Variants in DIP2C observed in about 807,000 individuals in gnomAD.
DIP2C encodes the protein disco-interacting protein 2 homolog C.
A neutral mutation model predicts 192.4 loss-of-function variants in DIP2C; 33 were observed. The observed-to-expected ratio is 0.17, with a 90% CI of 0.13 to 0.23. The LOEUF is 0.23. Among genes scored for constraint, DIP2C ranks in the 10% least tolerant of loss-of-function variants. DIP2C has a pLI of 1.00. For missense variants in DIP2C, 1,537 were observed against 2,110.1 expected (o/e 0.73, Z 5.32); for synonymous variants, 979 against 864.1 (o/e 1.13, Z -2.33).
chr10:362,626 G>A lies in DIP2C; in HGVS notation c.2658C>T (p.Pro886=), dbSNP rs779411817. 21 of 1,613,992 alleles carry A rather than the reference G, an allele frequency of 1.3e-5. No homozygotes were observed. Among genetic ancestry groups the A allele is most frequent in the South Asian group, 6.6e-5 (6 of 91,070 alleles). ...AATGGATCCCACCAAGCGGGGTTTT[G>A]GGGAGGGTGTTTGCTGGCACCAAGG... ...CLALVPANTL[P]KTPLGGIHLS... The change falls in exon 22 of 37, where the codon CCC becomes CCT. Residue 886 remains proline, a synonymous_variant. Transcript: ENST00000280886.
chr10:514,983 T>A lies in DIP2C; in HGVS notation c.86-28453A>T, dbSNP rs181512888. 3.2e-3 allele frequency among the ~76,000 whole-genome samples: 482 copies of A among 152,298 alleles called. 4 individuals carry two copies. The highest frequency in any genetic ancestry group is 0.011 in the African/African-American group (465 of 41,556). ...CTTCTTTTATACAAGCTAAAAACAA[T>A]TTTTACGTCCACGTTCTCATCAGCT... On this transcript the variant is annotated intron_variant, in intron 1 of 36. Transcript: ENST00000280886.
intron 1 of DIP2C, among the ~76,000 whole-genome samples, chr10:561,333 C>CCACT (rs1269064046): frequency 2.0e-5 from 3 of 152,134 alleles, no homozygotes; most frequent in Non-Finnish European, 4.4e-5. Context: ...CAGCAATTGC[C>CCACT]CACTGTACGA....
intron 1 of DIP2C, among the ~76,000 whole-genome samples, chr10:492,028 C>T (rs901684268): frequency 6.6e-5 from 10 of 152,178 alleles, no homozygotes; most frequent in Non-Finnish European, 1.2e-4. Context: ...AATCCCGACC[C>T]CAGAAAACAG....
chr10:325,334 A>G (rs1957228088), intron 31 of DIP2C, among the ~76,000 whole-genome samples: 1 of 152,162 alleles, frequency 6.6e-6, no homozygotes, highest in African/African-American at 2.4e-5. Context: ...AGTAAAGAGG[A>G]AAATAAATGT....
chr10:432,405 T>A (rs1185545351), intron 4 of DIP2C, among the ~76,000 whole-genome samples: 2 of 152,168 alleles, frequency 1.3e-5, no homozygotes, highest in African/African-American at 2.4e-5. Flanking sequence ...CCTGTTCAAA[T>A]TTTGGCAGAT....
intron 29 of DIP2C, among the ~76,000 whole-genome samples, chr10:330,003 T>C (rs1957434071): frequency 6.6e-6 from 1 of 152,196 alleles, no homozygotes; most frequent in South Asian, 2.1e-4. Flanking sequence ...AGACACTTCC[T>C]GTTTTTGTAA....
intron 1 of DIP2C, among the ~76,000 whole-genome samples, chr10:546,172 C>T (rs1218845697): frequency 6.6e-6 from 1 of 151,378 alleles, no homozygotes; most frequent in Non-Finnish European, 1.5e-5. Flanking sequence ...GTCCCAGCTA[C>T]CTGGGAGGCT....
chr10:535,587 AAC>A (rs959356013), intron 1 of DIP2C, among the ~76,000 whole-genome samples: 58 of 152,160 alleles, frequency 3.8e-4, no homozygotes, highest in African/African-American at 1.2e-3. Flanking sequence ...GACACAGCGA[AAC>A]ACACGAGATT....
At chr10:515,725 A>AAAAAAT (rs1180129794) in intron 1 of DIP2C, among the ~76,000 whole-genome samples, 12 of 152,108 alleles carry the variant, frequency 7.9e-5, no homozygotes, top group African/African-American at 2.2e-4. Flanking sequence ...CTGTCTCTCA[A>AAAAAAT]AAAAATAAAA....
At chr10:441,072 C>T in intron 3 of DIP2C, 76 bp from the exon 4 acceptor site, 1 of 1,495,424 alleles carries the variant, frequency 6.7e-7, no homozygotes, top group Non-Finnish European at 8.9e-7. Flanking sequence ...CTCTCTGTCC[C>T]TGCAGCACAG....
intron 16 of DIP2C, among the ~76,000 whole-genome samples, chr10:383,549 G>A (rs776818163): frequency 2.6e-5 from 4 of 152,136 alleles, no homozygotes; most frequent in Admixed American, 6.5e-5. Context: ...ATGTGATAAC[G>A]CAATTACATT....
chr10:355,885 T>C (rs896777120), intron 24 of DIP2C, among the ~76,000 whole-genome samples: 2 of 152,188 alleles, frequency 1.3e-5, no homozygotes, highest in African/African-American at 2.4e-5. Context: ...AAGACCATCC[T>C]CGCCAACATG....
Position 371,381 on chromosome 10 carries a change from C to A in DIP2C, c.1992-1748G>T, listed in dbSNP as rs574763129. On this transcript the variant is annotated intron_variant, in intron 17 of 36. Coordinates refer to ENST00000280886, the MANE Select transcript of DIP2C (RefSeq NM_014974.3). ...GCCCCTGGACTTACAACTTGATAAA[C>A]CCATTGTAAAGGCGGAAATTGAAGT... is the stretch of plus-strand genomic sequence containing the variant. Among the ~76,000 whole-genome samples the A allele has an allele frequency of 2.6e-5, 4 of 152,276 alleles. No homozygotes were observed. In the South Asian group the frequency reaches 8.3e-4, roughly 32 times the overall value.
intron 1 of DIP2C, among the ~76,000 whole-genome samples, chr10:632,919 C>T (rs966070590): frequency 6.6e-6 from 1 of 150,942 alleles, no homozygotes; most frequent in African/African-American, 2.4e-5. Context: ...GGAGACCATG[C>T]GGGCACCGGT....
chr10:433,127 G>A (rs1966898049), intron 4 of DIP2C, among the ~76,000 whole-genome samples: 1 of 152,176 alleles, frequency 6.6e-6, no homozygotes, highest in Non-Finnish European at 1.5e-5. Flanking sequence ...GGATGTTGTT[G>A]ATTTCAATTT....
intron 1 of DIP2C, among the ~76,000 whole-genome samples, chr10:614,503 C>A (rs559497465): frequency 6.6e-6 from 1 of 152,208 alleles, no homozygotes; most frequent in African/African-American, 2.4e-5. Context: ...GGGATCCCCC[C>A]ACGAGGCTCT....
chr10:593,485 A>ACCCCCCC (rs10563749), intron 1 of DIP2C, among the ~76,000 whole-genome samples: 228 of 64,200 alleles, frequency 3.6e-3, no homozygotes, highest in Middle Eastern at 0.014. Flanking sequence ...CCCACGCGGG[A>ACCCCCCC]CCCCCCCCCC....
chr10:601,417 C>T (rs1036526348), intron 1 of DIP2C, among the ~76,000 whole-genome samples: 4 of 152,202 alleles, frequency 2.6e-5, no homozygotes, highest in East Asian at 1.9e-4. Context: ...TGTAATCTTA[C>T]GGAGAAACTG....
intron 32 of DIP2C, among the ~76,000 whole-genome samples, chr10:295,697 G>C (rs546373683): frequency 2.2e-4 from 34 of 151,618 alleles, no homozygotes; most frequent in African/African-American, 8.2e-4. Context: ...ATACACTGTT[G>C]GTAGGAATGT....
Sources: allele counts gnomAD v4.1 joint callset (sites outside exome capture counted in the v4.1 genomes callset), GRCh38; gene constraint gnomAD v4.1.1; transcripts MANE v1.5; gene names NCBI Gene and HGNC (gene_info 2026-07-23, HGNC 2026-07-21).